Variants in KIAA0753 observed in about 807,000 individuals in gnomAD.
KIAA0753 encodes protein moonraker.
Under a neutral mutation model 116.9 loss-of-function variants are expected in KIAA0753, and 114 were observed. That is an observed-to-expected ratio of 0.98 (90% CI 0.84 to 1.14). KIAA0753 has a LOEUF of 1.14. Among genes scored for constraint, KIAA0753 ranks in the 50% most tolerant of loss-of-function variants. The pLI, the probability that KIAA0753 is intolerant of heterozygous loss-of-function variation, is 0.00. For synonymous variants in KIAA0753, 405 were observed against 413.1 expected, an observed-to-expected ratio of 0.98 and a Z score of 0.24; for missense variants, 1,156 against 1,172.4, an observed-to-expected ratio of 0.99 and a Z score of 0.20.
intron 2 of KIAA0753, among the ~76,000 whole-genome samples, chr17:6,631,343 G>C (rs182873477): frequency 3.8e-4 from 58 of 152,308 alleles, no homozygotes; most frequent in African/African-American, 1.3e-3. Flanking sequence ...AATTTTGCAG[G>C]CTTCTTCTTG....
At chr17:6,586,779 G>A (rs148262510) in intron 18 of KIAA0753, among the ~76,000 whole-genome samples, 469 of 152,176 alleles carry the variant, frequency 3.1e-3, no homozygotes, top group African/African-American at 0.01. Context: ...GCTAATTGCT[G>A]GAACAGTGCT....
chr17:6,612,042 G>T lies in KIAA0753; in HGVS notation c.1422C>A (p.Asp474Glu), dbSNP rs1388925164. The T allele has an allele frequency of 5.0e-6, 8 of 1,613,968 alleles. No homozygotes were observed. Among genetic ancestry groups the T allele is most frequent in the Non-Finnish European group, 5.9e-6 (7 of 1,180,010 alleles). Residue 474 changes from aspartate to glutamate, a missense_variant, in exon 8 of 19, where the codon GAC becomes GAA. Physicochemically the swap from Asp to Glu is conservative, Grantham distance 45. Coordinates refer to ENST00000361413, the MANE Select transcript of KIAA0753 (RefSeq NM_014804.3). ...CCTCGTCTTTGAAGCTTGCACTTTG[G>T]TCTAGAATAAATGGTCCTTCTTCCA... ...IVLEEGPFIL[D>E]QSASFKDEVL...
At chr17:6,613,400 TC>T (rs1319592818) in intron 7 of KIAA0753, among the ~76,000 whole-genome samples, 1 of 152,238 alleles carries the variant, frequency 6.6e-6, no homozygotes, top group Non-Finnish European at 1.5e-5. Flanking sequence ...AGATTTTTTT[TC>T]AAGGATCTAA....
chr17:6,628,559 T>G lies in KIAA0753; in HGVS notation c.276A>C (p.Ile92=). The G allele has an allele frequency of 6.2e-7, 1 of 1,614,246 alleles. No individual in the cohort carries two copies. The highest frequency in any genetic ancestry group is 8.5e-7 in the Non-Finnish European group (1 of 1,180,034). The stretch of plus-strand genomic sequence containing the variant: ...CAGCATAGCTAAGTCTCTCTTGGGA[T>G]ATGACGGAAAATGAAACAGAACTGC... The part of the protein sequence containing the change: ...DLGSSVSFSV[I]SQERLSYAVH... Residue 92 remains isoleucine, a synonymous_variant, in exon 3 of 19, where the codon ATA becomes ATC. Coordinates refer to ENST00000361413, the MANE Select transcript of KIAA0753 (RefSeq NM_014804.3).
chr17:6,587,587 G>A (rs551147966), intron 18 of KIAA0753, among the ~76,000 whole-genome samples: 64 of 152,326 alleles, frequency 4.2e-4, no homozygotes, highest in East Asian at 1.7e-3. Flanking sequence ...ACAGGAGCGC[G>A]TGTTAACAAA....
At chr17:6,634,212 C>T (rs1972174907) in intron 2 of KIAA0753, among the ~76,000 whole-genome samples, 2 of 151,454 alleles carry the variant, frequency 1.3e-5, no homozygotes, top group South Asian at 4.2e-4. Context: ...AAGCGATTCT[C>T]CTGCCCCAGC....
At chr17:6,617,968 G>A (rs1411876334) in intron 7 of KIAA0753, among the ~76,000 whole-genome samples, 1 of 152,196 alleles carries the variant, frequency 6.6e-6, no homozygotes, top group African/African-American at 2.4e-5. Context: ...TGGGCAAGGT[G>A]GTGCATGCCT....
chr17:6,614,941 G>A (rs1470491646), intron 7 of KIAA0753, among the ~76,000 whole-genome samples: 1 of 152,214 alleles, frequency 6.6e-6, no homozygotes, highest in Non-Finnish European at 1.5e-5. Context: ...CGGGATTACA[G>A]GCATGTGCCA....
chr17:6,610,242 A>C, intron 8 of KIAA0753, 82 bp from the exon 9 acceptor site: 1 of 1,398,094 alleles, frequency 7.2e-7, no homozygotes, highest in South Asian at 1.3e-5. Context: ...TGAAGCTCCA[A>C]GTTCTCCATG....
chr17:6,594,911 T>G (rs1413023751), intron 16 of KIAA0753, 61 bp downstream of exon 16: 2 of 1,326,326 alleles, frequency 1.5e-6, no homozygotes, highest in Non-Finnish European at 2.1e-6. Context: ...TTTTCAATTT[T>G]CTGTATGTTT....
In KIAA0753 at chr17:6,609,993, C is replaced by A; in HGVS notation, c.1712+1G>T. On this transcript the variant is annotated splice_donor_variant, in intron 9 of 18. Coordinates refer to ENST00000361413, the MANE Select transcript of KIAA0753 (RefSeq NM_014804.3). LOFTEE classifies it high-confidence loss of function. ...AAACGGTCCCTTGAGTTTTCACATACCATTTAGGAGACGCTGGTGGGGATG... is the reference window on the plus strand; with the variant it reads ...AAACGGTCCCTTGAGTTTTCACATAACATTTAGGAGACGCTGGTGGGGATG... The A allele has an allele frequency of 6.2e-7, 1 of 1,613,952 alleles. No individual in the cohort carries two copies. Among genetic ancestry groups the A allele is most frequent in the Non-Finnish European group, 8.5e-7 (1 of 1,179,896 alleles).
chr17:6,588,950 G>T (rs1968784703), intron 18 of KIAA0753, among the ~76,000 whole-genome samples: 1 of 152,088 alleles, frequency 6.6e-6, no homozygotes, highest in Non-Finnish European at 1.5e-5. Flanking sequence ...ACTGATAAAA[G>T]CAAATTTGTC....
At position 6,595,014 on chromosome 17, in the gene KIAA0753, C is replaced by A. The variant is rs779141187; in HGVS notation, c.2398G>T (p.Ala800Ser). ...ATCCAAAGTCGAGGATCAGCATATG[C>A]GATTTTATTATATCTTTGACGAACA... ...ESVRQRYNKI[A>S]YADPRLWMQE... Residue 800 changes from alanine (A) to serine (S), a missense_variant, in exon 16 of 19, where the codon GCA becomes TCA. Physicochemically the swap from Ala to Ser is moderately conservative, Grantham distance 99. Coordinates refer to ENST00000361413, the MANE Select transcript of KIAA0753 (RefSeq NM_014804.3). 4 of 1,611,552 alleles carry A rather than the reference C, an allele frequency of 2.5e-6. No individual in the cohort carries two copies. Among genetic ancestry groups the A allele is most frequent in the African/African-American group, 1.3e-5 (1 of 74,750 alleles).
intron 9 of KIAA0753, 29 bp downstream of exon 9, chr17:6,609,965 C>T: frequency 6.2e-7 from 1 of 1,611,244 alleles, no homozygotes; most frequent in Non-Finnish European, 8.5e-7. Flanking sequence ...GCATCACATA[C>T]ACAAACGGTC....
At chr17:6,624,719 G>A in intron 4 of KIAA0753, 36 bp downstream of exon 4, 2 of 1,370,094 alleles carry the variant, frequency 1.5e-6, no homozygotes, top group Non-Finnish European at 2.0e-6. Flanking sequence ...CAGTACACAA[G>A]GCTGACTGCC....
rs756318700 is a variant in KIAA0753, at chr17:6,628,628, T to C, written c.207A>G (p.Ser69=). 2 of 1,613,926 alleles carry C rather than the reference T, an allele frequency of 1.2e-6. No homozygotes were observed. Among genetic ancestry groups the C allele is most frequent in the African/African-American group, 2.7e-5 (2 of 74,918 alleles). Residue 69 remains serine (S), a synonymous_variant, in exon 3 of 19, where the codon TCA becomes TCG. Transcript: ENST00000361413. ...IEKLKHSYNE[S]YHCKDADCRV... ...TACAATCTGCATCTTTACAATGGTA[T>C]GATTCATTGTATGAGTGCTTCAGTT...
At chr17:6,627,926 G>C (rs1971775087) in intron 3 of KIAA0753, among the ~76,000 whole-genome samples, 191 bp downstream of exon 3, 1 of 152,180 alleles carries the variant, frequency 6.6e-6, no homozygotes, top group African/African-American at 2.4e-5. Context: ...CCGCTGGAAA[G>C]AGGAGCTGGG....
chr17:6,595,499 A>AT (rs1969403082), intron 15 of KIAA0753, among the ~76,000 whole-genome samples: 1 of 152,194 alleles, frequency 6.6e-6, no homozygotes, highest in East Asian at 1.9e-4. Flanking sequence ...TCCAAAAAAA[A>AT]AAATTGTTTT....
chr17:6,620,689 G>C, intron 7 of KIAA0753, 99 bp downstream of exon 7: 1 of 1,145,840 alleles, frequency 8.7e-7, no homozygotes, highest in Non-Finnish European at 1.3e-6. Flanking sequence ...TTGTGGGCTA[G>C]GTCCTAAATC....
Sources: gnomAD v4.1 joint callset for allele counts (sites outside exome capture counted in the v4.1 genomes callset) on GRCh38, gnomAD v4.1.1 for gene constraint, MANE v1.5 for transcripts, NCBI Gene and HGNC (gene_info 2026-07-23, HGNC 2026-07-21) for gene names.